The following LRRC43 variants were observed in gnomAD, a reference collection of about 807,000 sequenced individuals.
LRRC43 encodes leucine rich repeat containing 43.
In LRRC43, 62 loss-of-function variants were observed where a neutral mutation model predicts 64.3. The ratio of observed to expected loss-of-function variants is 0.96; its 90% confidence interval spans 0.79 to 1.19. The LOEUF (loss-of-function observed/expected upper bound fraction) is 1.19, where lower values mean the gene tolerates loss of function less well. LRRC43 is among the 50% of genes most tolerant of loss of function. The pLI, the probability that LRRC43 is intolerant of heterozygous loss-of-function variation, is 0.00. For missense variants in LRRC43, 868 were observed against 845.0 expected (o/e 1.03, Z -0.34); for synonymous variants, 422 against 382.3 (o/e 1.10, Z -1.21).
At chr12:122,169,984 T>A in intron 1 of LRRC43, among the ~76,000 whole-genome samples, 1 of 151,936 alleles carries the variant, frequency 6.6e-6, no homozygotes, top group East Asian at 2.0e-4. Context: ...TTTTTGTATT[T>A]TTTGTGGAGA....
intron 1 of LRRC43, among the ~76,000 whole-genome samples, chr12:122,175,485 T>G (rs1017184336): frequency 6.6e-6 from 1 of 151,052 alleles, no homozygotes; most frequent in African/African-American, 2.4e-5. Context: ...ATTTCTAAGT[T>G]CATTAGCTTT....
intron 1 of LRRC43, chr12:122,172,135 A>C: frequency 3.2e-6 from 1 of 313,740 alleles, no homozygotes; most frequent in Non-Finnish European, 5.9e-6. Context: ...CATAGCTGCC[A>C]CCTCCCACCC....
chr12:122,180,649 G>A (rs924611341), upstream of LRRC43, among the ~76,000 whole-genome samples: 1 of 152,162 alleles, frequency 6.6e-6, no homozygotes, highest in African/African-American at 2.4e-5. Context: ...TTCCTGGCTG[G>A]GCCTCTTCTG....
chr12:122,192,961 A>G lies in LRRC43; in HGVS notation c.1306A>G (p.Lys436Glu), dbSNP rs1343099031. 3.1e-6 allele frequency: 5 copies of G among 1,614,096 alleles called. No homozygotes were observed. Among genetic ancestry groups the G allele is most frequent in the Non-Finnish European group, 4.2e-6 (5 of 1,180,024 alleles). Residue 436 changes from lysine to glutamate, a missense_variant, in exon 7 of 12, where the codon AAG becomes GAG. By Grantham distance (56) the Lys-to-Glu change is moderately conservative. Transcript: ENST00000339777. Reference protein sequence around the residue: ...MPRASAEELAKLRLRIDPRLC... With the variant: ...MPRASAEELAELRLRIDPRLC... Reference sequence around the variant, plus strand: ...GAGGGCCTCTGCAGAAGAGCTGGCCAAGTTGAGGCTGCGTATAGATCCCCG... The same window carrying G: ...GAGGGCCTCTGCAGAAGAGCTGGCCGAGTTGAGGCTGCGTATAGATCCCCG...
chr12:122,188,025 C>T (rs111311652), intron 4 of LRRC43, 185 bp downstream of exon 4: 26 of 595,382 alleles, frequency 4.4e-5, no homozygotes, highest in African/African-American at 3.0e-4. Flanking sequence ...ACAAAAAGCC[C>T]GGGGAAGGAG....
rs573117933 is a variant in LRRC43 at position 122,187,892 on chromosome 12, T to G, written c.662+52T>G. The G allele has an allele frequency of 5.6e-6, 9 of 1,596,692 alleles. No homozygotes were observed. The African/African-American group carries it at 1.2e-4, about 21-fold the overall frequency. ...GAGAGGGAGGGATTAAGTATCAGGT[T>G]GGGGCGATTCTACCCCAGTGGCTTG... On this transcript the variant is annotated intron_variant, in intron 4 of 11. Coordinates refer to ENST00000339777, the MANE Select transcript of LRRC43 (RefSeq NM_001098519.2).
chr12:122,183,075 G>A, upstream of LRRC43: 1 of 1,497,462 alleles, frequency 6.7e-7, no homozygotes, highest in Non-Finnish European at 8.8e-7. Context: ...CGGGGCAGGT[G>A]AGAGCGCCTG....
At chr12:122,191,267 C>G in intron 5 of LRRC43, 113 bp from the exon 6 acceptor site, 1 of 879,864 alleles carries the variant, frequency 1.1e-6, no homozygotes. Context: ...CACCAAGGCT[C>G]AGCCCTGAGT....
chr12:122,199,626 C>T lies in LRRC43; in HGVS notation c.1350-563C>T, dbSNP rs183100619. 8.4e-4 allele frequency among the ~76,000 whole-genome samples: 128 copies of T among 151,728 alleles called. No individual in the cohort carries two copies. In the East Asian group the frequency reaches 0.01, roughly 12 times the overall value. On this transcript the variant is annotated intron_variant, in intron 7 of 11. Coordinates refer to ENST00000339777, the MANE Select transcript of LRRC43 (RefSeq NM_001098519.2). ...TGCAGGAGGGTCTCACTTTGTCGCC[C>T]GGGATCGAGTACAGTGGCATGAACA...
At chr12:122,183,052 G>A (rs1953596332), upstream of LRRC43, 6 of 1,462,524 alleles carry the variant, frequency 4.1e-6, no homozygotes, top group Admixed American at 1.3e-4. Context: ...ATCCGGATGG[G>A]GGACTTTTCC....
chr12:122,182,994 AG>A, upstream of LRRC43: 1 of 1,246,868 alleles, frequency 8.0e-7, no homozygotes, highest in Non-Finnish European at 1.1e-6. Flanking sequence ...CCATTTTTAT[AG>A]ATGAGGGCAG....
upstream of LRRC43, among the ~76,000 whole-genome samples, chr12:122,179,578 GT>G (rs1167738769): frequency 2.0e-5 from 3 of 152,166 alleles, no homozygotes; most frequent in East Asian, 3.8e-4. Context: ...GAGATGAGCA[GT>G]GTGAGGTGTG....
chr12:122,187,845 C>A lies in LRRC43; in HGVS notation c.662+5C>A, dbSNP rs1413655299. The stretch of plus-strand genomic sequence containing the variant: ...CTACGTCACCGCTAATCACTGGTAA[C>A]TCGGGAGCCCAGATGGAAAGTGAGA... On this transcript the variant is annotated splice_donor_5th_base_variant and intron_variant, in intron 4 of 11. Coordinates refer to ENST00000339777, the MANE Select transcript of LRRC43 (RefSeq NM_001098519.2). The A allele has an allele frequency of 1.2e-6, 2 of 1,613,746 alleles. No homozygotes were observed. The highest frequency in any genetic ancestry group is 1.7e-6 in the Non-Finnish European group (2 of 1,179,864).
intron 3 of LRRC43, among the ~76,000 whole-genome samples, chr12:122,186,673 C>T (rs1168086161): frequency 3.9e-5 from 6 of 152,190 alleles, no homozygotes; most frequent in African/African-American, 1.2e-4. Flanking sequence ...AATCCCAGCA[C>T]TTTGGGAGGC....
chr12:122,188,308 T>C (rs992004125), intron 4 of LRRC43, among the ~76,000 whole-genome samples: 2 of 151,690 alleles, frequency 1.3e-5, no homozygotes, highest in African/African-American at 4.8e-5. Flanking sequence ...GGGGTTTCAC[T>C]GTGTTAGCCA....
chr12:122,201,293 C>G lies in LRRC43; in HGVS notation c.1810-3C>G, dbSNP rs377301865. 11 of 1,614,018 alleles carry G rather than the reference C, an allele frequency of 6.8e-6. No homozygotes were observed. Among genetic ancestry groups the G allele is most frequent in the Non-Finnish European group, 9.3e-6 (11 of 1,179,904 alleles). On this transcript the variant is annotated splice_region_variant and splice_polypyrimidine_tract_variant and intron_variant, in intron 10 of 11. Coordinates refer to ENST00000339777, the MANE Select transcript of LRRC43 (RefSeq NM_001098519.2). ...CATCTCGTTTTGTGGTTCTTTCTCTCAGGATTCAAAGAAGATTAAGAAAGT... is the reference window on the plus strand; with the variant it reads ...CATCTCGTTTTGTGGTTCTTTCTCTGAGGATTCAAAGAAGATTAAGAAAGT...
upstream of LRRC43, among the ~76,000 whole-genome samples, chr12:122,180,022 A>C (rs1373133066): frequency 6.6e-6 from 1 of 151,810 alleles, no homozygotes; most frequent in African/African-American, 2.4e-5. Context: ...CCAGAAATAC[A>C]TGTTGTCATG....
Position 122,200,892 on chromosome 12 carries a change from C to T in LRRC43, c.1767C>T (p.Gly589=), listed in dbSNP as rs776429063. ...EPLVSTVCNF[G]VVRTLTSDRL... is the part of the protein sequence containing the mutation. ...TGGTGTCCACCGTGTGCAACTTCGG[C>T]GTGGTCCGCACATTGACATCTGACA... Residue 589 remains glycine (G), a synonymous_variant, in exon 10 of 12, where the codon GGC becomes GGT. Transcript: ENST00000339777. This position sits in a 1 kb window ranked among gnomAD's most constrained non-coding sequence, Gnocchi z 4.6. The T allele has an allele frequency of 1.1e-5, 17 of 1,611,668 alleles. No homozygotes were observed. Among genetic ancestry groups the T allele is most frequent in the Non-Finnish European group, 1.4e-5 (16 of 1,179,276 alleles).
intron 7 of LRRC43, among the ~76,000 whole-genome samples, chr12:122,195,239 T>G (rs1273856083): frequency 6.6e-6 from 1 of 152,058 alleles, no homozygotes; most frequent in Non-Finnish European, 1.5e-5. Context: ...TCTTTTCCCC[T>G]GCTACCCCAG....
Sources: gnomAD v4.1 joint callset for allele counts (sites outside exome capture counted in the v4.1 genomes callset) on GRCh38, gnomAD v4.1.1 for gene constraint, Gnocchi (gnomAD v3.1) non-coding constraint, MANE v1.5 for transcripts, NCBI Gene and HGNC (gene_info 2026-07-23, HGNC 2026-07-21) for gene names.